Variants in GRIN3A observed in about 807,000 individuals in gnomAD.
GRIN3A encodes glutamate ionotropic receptor NMDA type subunit 3A, also known as glutamate receptor ionotropic, NMDA 3A.
Under a neutral mutation model 92.4 loss-of-function variants are expected in GRIN3A, and 47 were observed. The observed-to-expected ratio is 0.51, with a 90% CI of 0.40 to 0.65. The LOEUF (loss-of-function observed/expected upper bound fraction) is 0.65, where lower values mean the gene tolerates loss of function less well. Ranked by LOEUF, GRIN3A falls within the 30% of genes least tolerant of loss-of-function variation. The pLI is 0.00. For missense variants in GRIN3A, 1,324 were observed against 1,393.1 expected, an observed-to-expected ratio of 0.95 and a Z score of 0.79; for synonymous variants, 527 against 540.6, an observed-to-expected ratio of 0.97 and a Z score of 0.35.
intron 1 of GRIN3A, among the ~76,000 whole-genome samples, chr9:101,730,844 T>A (rs545182213): frequency 2.7e-4 from 41 of 152,240 alleles, no homozygotes; most frequent in African/African-American, 8.9e-4. Flanking sequence ...CTTTTTTCTC[T>A]TATTATTTTT....
chr9:101,716,130 TAAG>T (rs150070180), intron 1 of GRIN3A, among the ~76,000 whole-genome samples: 56,698 of 151,730 alleles, frequency 0.37, 11,256 homozygotes, highest in Non-Finnish European at 0.44. Context: ...AGAGCAGAAT[TAAG>T]AGAGGAAAGG....
chr9:101,624,507 G>A (rs910479959), intron 4 of GRIN3A, among the ~76,000 whole-genome samples: 4 of 151,702 alleles, frequency 2.6e-5, no homozygotes, highest in African/African-American at 9.7e-5. Flanking sequence ...AGTTTACTGA[G>A]AATGATGATT....
chr9:101,594,284 C>G, intron 6 of GRIN3A: 1 of 1,233,592 alleles, frequency 8.1e-7, no homozygotes, highest in Non-Finnish European at 1.1e-6. Flanking sequence ...CCTGTTAGGA[C>G]ATATGGCTTC....
At chr9:101,714,102 C>CT (rs1227061249) in intron 1 of GRIN3A, among the ~76,000 whole-genome samples, 1 of 151,952 alleles carries the variant, frequency 6.6e-6, no homozygotes, top group African/African-American at 2.4e-5. Context: ...GGCAAAGAAA[C>CT]TAAACGCTGT....
intron 2 of GRIN3A, among the ~76,000 whole-genome samples, chr9:101,674,924 C>T (rs772775781): frequency 6.6e-6 from 1 of 151,902 alleles, no homozygotes; most frequent in East Asian, 1.9e-4. Flanking sequence ...TGTTTTATGA[C>T]ATTGGATTTT....
intron 6 of GRIN3A, among the ~76,000 whole-genome samples, chr9:101,608,612 T>G (rs73509326): frequency 0.01 from 1,586 of 152,284 alleles, 30 homozygotes; most frequent in African/African-American, 0.035. Context: ...TGTGTGGTTA[T>G]CATATGTAGG....
chr9:101,700,233 G>C (rs1452955105), intron 1 of GRIN3A, among the ~76,000 whole-genome samples: 1 of 152,166 alleles, frequency 6.6e-6, no homozygotes, highest in Non-Finnish European at 1.5e-5. Flanking sequence ...ATGAATAAAT[G>C]GGTAAATGGT....
chr9:101,614,357 C>T (rs1828410062), intron 5 of GRIN3A, among the ~76,000 whole-genome samples: 1 of 152,002 alleles, frequency 6.6e-6, no homozygotes, highest in Non-Finnish European at 1.5e-5. Context: ...GGAAACAACC[C>T]AAATGTTCTT....
In GRIN3A at chr9:101,737,616, G is replaced by A; in HGVS notation, c.364C>T (p.Leu122=). The change falls in exon 1 of 9, where the codon CTG becomes TTG. Residue 122 remains leucine (L), a synonymous_variant. Coordinates refer to ENST00000361820, the MANE Select transcript of GRIN3A (RefSeq NM_133445.3). ...KPGEGARAEA[L]WPRDALLFAV... is the part of the protein sequence containing the mutation. ...AATAGGAGGGCGTCCCGTGGCCACA[G>A]GGCCTCCGCCCTGGCGCCCTCCCCG... 3.7e-6 allele frequency: 6 copies of A among 1,613,276 alleles called. No individual in the cohort carries two copies. Among genetic ancestry groups the A allele is most frequent in the Non-Finnish European group, 5.1e-6 (6 of 1,179,958 alleles).
chr9:101,639,623 T>C (rs1469170106), intron 3 of GRIN3A, among the ~76,000 whole-genome samples: 1 of 152,228 alleles, frequency 6.6e-6, no homozygotes, highest in Admixed American at 6.5e-5. Context: ...TCCAGTCTAG[T>C]GATGTAAGCC....
At chr9:101,577,389 T>C (rs1827838998) in intron 8 of GRIN3A, among the ~76,000 whole-genome samples, 1 of 152,372 alleles carries the variant, frequency 6.6e-6, no homozygotes, top group African/African-American at 2.4e-5. Context: ...GAGATGTACA[T>C]GTATGATCTT....
At chr9:101,596,554 C>A (rs1350410396) in intron 6 of GRIN3A, among the ~76,000 whole-genome samples, 2 of 152,160 alleles carry the variant, frequency 1.3e-5, no homozygotes, top group Non-Finnish European at 2.9e-5. Flanking sequence ...TTTCTGGACT[C>A]TCTGGGGGAA....
At chr9:101,625,515 A>G (rs546344900) in intron 4 of GRIN3A, among the ~76,000 whole-genome samples, 2 of 152,352 alleles carry the variant, frequency 1.3e-5, no homozygotes, top group African/African-American at 4.8e-5. Context: ...CCTTTTTGGT[A>G]CCAATGACCG....
At chr9:101,691,481 G>T (rs1028681899) in intron 1 of GRIN3A, among the ~76,000 whole-genome samples, 1 of 151,892 alleles carries the variant, frequency 6.6e-6, no homozygotes, top group African/African-American at 2.4e-5. Flanking sequence ...CTTTAATTGG[G>T]ACTTAAGAAA....
At chr9:101,667,805 A>G (rs1023795134) in intron 3 of GRIN3A, among the ~76,000 whole-genome samples, 1 of 152,076 alleles carries the variant, frequency 6.6e-6, no homozygotes, top group African/African-American at 2.4e-5. Flanking sequence ...AAAAAATTCT[A>G]TCACAACAAT....
chr9:101,588,018 A>C (rs1181062993), intron 6 of GRIN3A, among the ~76,000 whole-genome samples: 1 of 152,194 alleles, frequency 6.6e-6, no homozygotes, highest in African/African-American at 2.4e-5. Context: ...GTGTCTATAC[A>C]TATGGCCCCT....
rs1829300288 is a variant in GRIN3A, at chr9:101,670,340, A to G, written c.2072T>C (p.Phe691Ser). ...IFVALHITAV[F>S]LTLYEWKSPF... is the part of the protein sequence containing the mutation. ...ACTCTTCCATTCATACAGAGTGAGG[A>G]AGACGGCAGTGATGTGCAGAGCCAC... is the stretch of plus-strand genomic sequence containing the variant. The change falls in exon 3 of 9, where the codon TTC (phenylalanine) becomes TCC (serine). Residue 691 changes from phenylalanine (F) to serine (S), a missense_variant. Physicochemically the swap from Phe to Ser is radical, Grantham distance 155 (BLOSUM62 -2). Coordinates refer to ENST00000361820, the MANE Select transcript of GRIN3A (RefSeq NM_133445.3). The G allele has an allele frequency of 6.2e-7, 1 of 1,613,892 alleles. No individual in the cohort carries two copies. Among genetic ancestry groups the G allele is most frequent in the Non-Finnish European group, 8.5e-7 (1 of 1,179,968 alleles).
At chr9:101,706,891 A>G (rs144862693) in intron 1 of GRIN3A, among the ~76,000 whole-genome samples, 31 of 152,350 alleles carry the variant, frequency 2.0e-4, no homozygotes, top group Middle Eastern at 3.4e-3. Flanking sequence ...CAGGTTTTAT[A>G]GTCTCTCAAG....
intron 1 of GRIN3A, among the ~76,000 whole-genome samples, chr9:101,707,327 T>A (rs1396235599): frequency 1.3e-5 from 2 of 152,170 alleles, no homozygotes; most frequent in African/African-American, 4.8e-5. Flanking sequence ...TATCACCAAT[T>A]ATTGTTTATA....
Sources: allele counts gnomAD v4.1 joint callset (sites outside exome capture counted in the v4.1 genomes callset), GRCh38; gene constraint gnomAD v4.1.1; transcripts MANE v1.5; gene names NCBI Gene and HGNC (gene_info 2026-07-23, HGNC 2026-07-21).